PTPRT: variants seen among roughly 807,000 people sequenced by gnomAD.
PTPRT encodes the protein receptor-type tyrosine-protein phosphatase T.
PTPRT carries 56 observed loss-of-function variants against 176.8 expected under a neutral mutation model. The observed-to-expected ratio is 0.32, with a 90% CI of 0.26 to 0.40. PTPRT has a LOEUF of 0.40. PTPRT is among the 10% of genes least tolerant of loss of function. PTPRT has a pLI of 1.00. For missense variants in PTPRT, 1,540 were observed against 1,908.2 expected, an observed-to-expected ratio of 0.81 and a Z score of 3.60; for synonymous variants, 783 against 739.0, an observed-to-expected ratio of 1.06 and a Z score of -0.96.
intron 1 of PTPRT, among the ~76,000 whole-genome samples, chr20:42,984,240 A>G (rs896374524): frequency 6.6e-6 from 1 of 152,208 alleles, no homozygotes; most frequent in African/African-American, 2.4e-5. Flanking sequence ...ACCCTTCCTC[A>G]ATTCACAAAG....
intron 15 of PTPRT, among the ~76,000 whole-genome samples, chr20:42,208,383 G>C (rs2055528787): frequency 6.6e-6 from 1 of 151,798 alleles, no homozygotes. Flanking sequence ...TCAGTGTGCT[G>C]TATTCAGGAA....
chr20:42,506,368 T>C (rs2071845001), intron 7 of PTPRT, among the ~76,000 whole-genome samples: 1 of 152,192 alleles, frequency 6.6e-6, no homozygotes, highest in Non-Finnish European at 1.5e-5. Flanking sequence ...CATAGCCCTA[T>C]AGACCCTCTC....
rs556132526 is a variant in PTPRT, at chr20:43,152,708, T to A, written c.88+36938A>T. ...GAATGATATTTCCTGGAAGATACTA[T>A]ACAATTAATTACCCTTGTAACCTCA... is the stretch of plus-strand genomic sequence containing the variant. On this transcript the variant is annotated intron_variant, in intron 1 of 30. Coordinates refer to ENST00000373187, the MANE Select transcript of PTPRT (RefSeq NM_007050.6). Among the ~76,000 whole-genome samples the A allele has an allele frequency of 2.0e-5, 3 of 152,354 alleles. No individual in the cohort carries two copies. The East Asian group carries it at 5.8e-4, about 29-fold the overall frequency.
intron 1 of PTPRT, among the ~76,000 whole-genome samples, chr20:43,091,497 C>A (rs1243172971): frequency 6.7e-6 from 1 of 149,152 alleles, no homozygotes; most frequent in African/African-American, 2.5e-5. Context: ...CTCTATTTCT[C>A]TCTCTCTCTC....
chr20:42,709,342 C>A (rs150483960), intron 6 of PTPRT, among the ~76,000 whole-genome samples: 134 of 152,292 alleles, frequency 8.8e-4, no homozygotes, highest in Non-Finnish European at 1.6e-3. Flanking sequence ...GGGGTGGATC[C>A]ATCACGAATG....
At chr20:42,664,843 G>A (rs897741335) in intron 7 of PTPRT, among the ~76,000 whole-genome samples, 1 of 152,138 alleles carries the variant, frequency 6.6e-6, no homozygotes, top group Non-Finnish European at 1.5e-5. Flanking sequence ...ACAAGAAATG[G>A]GGAAATGACT....
chr20:42,656,361 G>T (rs1407413246), intron 7 of PTPRT, among the ~76,000 whole-genome samples: 1 of 152,120 alleles, frequency 6.6e-6, no homozygotes, highest in Non-Finnish European at 1.5e-5. Flanking sequence ...CGCCAGTAAG[G>T]GAGAGAATGG....
In PTPRT at chr20:42,190,496, A is replaced by G. The variant is rs79122217; in HGVS notation, c.2491+8744T>C. 8.0e-3 allele frequency among the ~76,000 whole-genome samples: 1,216 copies of G among 152,316 alleles called. 10 individuals are homozygous for G. The highest frequency in any genetic ancestry group is 0.028 in the African/African-American group (1,156 of 41,566). The stretch of plus-strand genomic sequence containing the variant: ...AGAGCCTTCCTCTCCCAGAGAGGCC[A>G]TAATTCTACTATCATGAAAGACAGC... On this transcript the variant is annotated intron_variant, in intron 16 of 30. Coordinates refer to ENST00000373187, the MANE Select transcript of PTPRT (RefSeq NM_007050.6).
the PTPRT span, among the ~76,000 whole-genome samples, chr20:42,055,976 C>A: frequency 3.9e-5 from 6 of 152,080 alleles, no homozygotes; most frequent in African/African-American, 1.4e-4. Context: ...GTTTGTGCAC[C>A]ACATGCATCA....
intron 2 of PTPRT, among the ~76,000 whole-genome samples, chr20:42,796,800 A>G (rs1460053595): frequency 6.6e-6 from 1 of 152,200 alleles, no homozygotes; most frequent in African/African-American, 2.4e-5. Context: ...AGCAAGGACA[A>G]TGTAGGATGC....
chr20:42,573,470 C>G (rs527772365), intron 7 of PTPRT, among the ~76,000 whole-genome samples: 1 of 152,324 alleles, frequency 6.6e-6, no homozygotes, highest in East Asian at 1.9e-4. Flanking sequence ...GGGCATTAGA[C>G]AGTGTTGTGG....
intron 9 of PTPRT, among the ~76,000 whole-genome samples, chr20:42,370,540 C>T (rs1000964170): frequency 6.6e-6 from 1 of 152,130 alleles, no homozygotes; most frequent in Non-Finnish European, 1.5e-5. Context: ...CAATGTAAGC[C>T]ACTTACTAGC....
At chr20:43,001,524 T>TA (rs1373496350) in intron 1 of PTPRT, among the ~76,000 whole-genome samples, 1 of 151,734 alleles carries the variant, frequency 6.6e-6, no homozygotes, top group Non-Finnish European at 1.5e-5. Context: ...CAGTTAAAAC[T>TA]AAAAGCAGAA....
intron 9 of PTPRT, among the ~76,000 whole-genome samples, chr20:42,414,180 C>G (rs997722658): frequency 4.6e-5 from 7 of 152,134 alleles, no homozygotes; most frequent in African/African-American, 1.7e-4. Context: ...TCAACCAATA[C>G]TTGATGGATG....
chr20:42,483,088 G>A (rs2071412958), intron 7 of PTPRT, among the ~76,000 whole-genome samples: 1 of 152,208 alleles, frequency 6.6e-6, no homozygotes, highest in African/African-American at 2.4e-5. Flanking sequence ...AGTAGTCAGA[G>A]AAGACAACTG....
In PTPRT at chr20:42,209,004, G is replaced by A. The variant is rs565949168; in HGVS notation, c.2343-9616C>T. ...AGGATTAAGAATCTCACTCAAAACCGCTCAACGACATGGAAACTGAACAAC... is the reference window on the plus strand; with the variant it reads ...AGGATTAAGAATCTCACTCAAAACCACTCAACGACATGGAAACTGAACAAC... On this transcript the variant is annotated intron_variant, in intron 15 of 30. Coordinates refer to ENST00000373187, the MANE Select transcript of PTPRT (RefSeq NM_007050.6). 7.6e-3 allele frequency among the ~76,000 whole-genome samples: 1,161 copies of A among 152,166 alleles called. 6 individuals carry two copies. Among genetic ancestry groups the A allele is most frequent in the Non-Finnish European group, 0.013 (916 of 68,018 alleles).
intron 11 of PTPRT, among the ~76,000 whole-genome samples, chr20:42,328,738 A>AATT (rs11471742): frequency 0.46 from 69,120 of 151,636 alleles, 16,317 homozygotes; most frequent in African/African-American, 0.58. Context: ...TTGAGGTTGG[A>AATT]ATTTAGACAA....
intron 7 of PTPRT, among the ~76,000 whole-genome samples, chr20:42,562,798 C>T (rs2145655877): frequency 6.6e-6 from 1 of 152,322 alleles, no homozygotes; most frequent in African/African-American, 2.4e-5. Context: ...TCCAGGGCTA[C>T]AGGCCAGCCA....
intron 2 of PTPRT, among the ~76,000 whole-genome samples, chr20:42,859,446 C>T (rs1455279077): frequency 6.6e-6 from 1 of 152,102 alleles, no homozygotes; most frequent in East Asian, 1.9e-4. Flanking sequence ...TGCCAGAGGT[C>T]TCACCAACAC....
Sources: allele counts gnomAD v4.1 joint callset (sites outside exome capture counted in the v4.1 genomes callset), GRCh38; gene constraint gnomAD v4.1.1; transcripts MANE v1.5; gene names NCBI Gene and HGNC (gene_info 2026-07-23, HGNC 2026-07-21).